ARHGAP15: variants seen among roughly 807,000 people sequenced by gnomAD.
ARHGAP15 encodes the protein Rho GTPase activating protein 15.
Under a neutral mutation model 63.7 loss-of-function variants are expected in ARHGAP15, and 51 were observed. The ratio of observed to expected loss-of-function variants is 0.80; its 90% CI spans 0.64 to 1.01. The LOEUF is 1.01. Ranked by LOEUF, ARHGAP15 falls within the 50% of genes least tolerant of loss-of-function variation. The pLI, the probability that ARHGAP15 is intolerant of heterozygous loss-of-function variation, is 0.00. For synonymous variants in ARHGAP15, 191 were observed against 193.8 expected (o/e 0.99, Z 0.12); for missense variants, 560 against 564.6 (o/e 0.99, Z 0.08).
intron 11 of ARHGAP15, among the ~76,000 whole-genome samples, chr2:143,611,875 C>A (rs1698269083): frequency 1.3e-5 from 2 of 152,166 alleles, no homozygotes; most frequent in South Asian, 2.1e-4. Context: ...CCTTTACCAC[C>A]CCTATGTTCA....
At chr2:143,232,116 T>C (rs886719004) in intron 5 of ARHGAP15, among the ~76,000 whole-genome samples, 1 of 152,206 alleles carries the variant, frequency 6.6e-6, no homozygotes, top group Non-Finnish European at 1.5e-5. Context: ...CTTATTTTCA[T>C]AGAGATTCAT....
intron 11 of ARHGAP15, among the ~76,000 whole-genome samples, chr2:143,593,684 T>C (rs1330936669): frequency 6.6e-6 from 1 of 152,148 alleles, no homozygotes; most frequent in Non-Finnish European, 1.5e-5. Context: ...TCTGTAGAAT[T>C]CCCAGCCATA....
chr2:143,607,540 G>C (rs1698084182), intron 11 of ARHGAP15: 2 of 147,640 alleles, frequency 1.4e-5, no homozygotes, highest in African/African-American at 4.9e-5. Flanking sequence ...TGAAAAGAAG[G>C]CCACCCACGA....
intron 12 of ARHGAP15, among the ~76,000 whole-genome samples, chr2:143,658,441 T>C (rs1681573819): frequency 6.6e-6 from 1 of 152,210 alleles, no homozygotes; most frequent in South Asian, 2.1e-4. Context: ...ACTGAGAGAC[T>C]TCCAATTATT....
intron 13 of ARHGAP15, among the ~76,000 whole-genome samples, chr2:143,705,727 CCTTT>C (rs1684298741): frequency 6.6e-6 from 1 of 151,996 alleles, no homozygotes; most frequent in African/African-American, 2.4e-5. Flanking sequence ...CCAATTATTC[CCTTT>C]TTTTTCAACT....
At chr2:143,570,991 G>T (rs1036346102) in intron 11 of ARHGAP15, among the ~76,000 whole-genome samples, 14 of 152,150 alleles carry the variant, frequency 9.2e-5, no homozygotes, top group Non-Finnish European at 1.5e-4. Flanking sequence ...GCAGGTGAGA[G>T]AGCATTACCC....
At chr2:143,348,584 A>ATT (rs1343231388) in intron 6 of ARHGAP15, among the ~76,000 whole-genome samples, 2 of 152,164 alleles carry the variant, frequency 1.3e-5, no homozygotes, top group African/African-American at 2.4e-5. Context: ...CTTCATCTCA[A>ATT]TTAATGCTTA....
At chr2:143,574,787 A>T (rs1456616421) in intron 11 of ARHGAP15, among the ~76,000 whole-genome samples, 1 of 152,140 alleles carries the variant, frequency 6.6e-6, no homozygotes, top group Non-Finnish European at 1.5e-5. Flanking sequence ...TTTCCTGTAG[A>T]CAGCAAACAC....
chr2:143,602,966 A>T (rs961499725), intron 11 of ARHGAP15, among the ~76,000 whole-genome samples: 4 of 152,114 alleles, frequency 2.6e-5, no homozygotes, highest in Non-Finnish European at 4.4e-5. Flanking sequence ...GCGTACTCTA[A>T]TCTTGCCTAT....
chr2:143,435,262 G>T (rs564878829), intron 6 of ARHGAP15: 2 of 1,000,988 alleles, frequency 2.0e-6, no homozygotes, highest in African/African-American at 3.5e-5. Context: ...ACACACCCGG[G>T]TGCATTTTTC....
chr2:143,763,514 C>T (rs1462720810), intron 13 of ARHGAP15, among the ~76,000 whole-genome samples: 1 of 151,830 alleles, frequency 6.6e-6, no homozygotes, highest in Non-Finnish European at 1.5e-5. Flanking sequence ...TCTTTACCTT[C>T]ACCTTTTCTA....
chr2:143,176,026 GA>G (rs1480822743), intron 2 of ARHGAP15, among the ~76,000 whole-genome samples: 16 of 152,154 alleles, frequency 1.1e-4, no homozygotes, highest in African/African-American at 3.9e-4. Flanking sequence ...TTTTTTTAAA[GA>G]CGGACAGATT....
intron 12 of ARHGAP15, among the ~76,000 whole-genome samples, chr2:143,701,908 A>C (rs545230721): frequency 1.3e-5 from 2 of 152,316 alleles, no homozygotes; most frequent in African/African-American, 4.8e-5. Context: ...AAAGGTACAC[A>C]GGCTAAAAGC....
At chr2:143,731,849 T>C (rs1685551649) in intron 13 of ARHGAP15, among the ~76,000 whole-genome samples, 1 of 152,192 alleles carries the variant, frequency 6.6e-6, no homozygotes, top group Non-Finnish European at 1.5e-5. Context: ...TCAACAACCA[T>C]GTAAAGTCAT....
chr2:143,700,974 T>G (rs1371305091), intron 12 of ARHGAP15, among the ~76,000 whole-genome samples: 2 of 152,218 alleles, frequency 1.3e-5, no homozygotes, highest in Non-Finnish European at 2.9e-5. Context: ...GTATAGGCTA[T>G]GATGTTGCAA....
chr2:143,626,340 A>G (rs1050754991), intron 12 of ARHGAP15, among the ~76,000 whole-genome samples: 5 of 152,184 alleles, frequency 3.3e-5, no homozygotes, highest in Non-Finnish European at 5.9e-5. Context: ...TTCGTCCTTC[A>G]TTGTTCAAGG....
At chr2:143,699,067 A>G (rs1683972068) in intron 12 of ARHGAP15, among the ~76,000 whole-genome samples, 1 of 152,172 alleles carries the variant, frequency 6.6e-6, no homozygotes, top group Admixed American at 6.6e-5. Context: ...TAGCTCATTA[A>G]CCACTCCTGT....
intron 6 of ARHGAP15, among the ~76,000 whole-genome samples, chr2:143,285,338 C>G (rs1465584818): frequency 6.6e-6 from 1 of 151,790 alleles, no homozygotes; most frequent in Non-Finnish European, 1.5e-5. Flanking sequence ...TATACTAAAA[C>G]ATTAAGATAT....
Position 143,490,147 on chromosome 2 carries a change from C to G in ARHGAP15, c.826+2652C>G, listed in dbSNP as rs1185074778. On this transcript the variant is annotated intron_variant, in intron 9 of 13. Transcript: ENST00000295095. ...CCCGAGTAGCTGGGACTACAGGTGC[C>G]CGCCACCACGCCCGGCTAATATTTT... 3.9e-5 allele frequency among the ~76,000 whole-genome samples: 6 copies of G among 151,952 alleles called. No individual in the cohort carries two copies. In the East Asian group the frequency reaches 9.7e-4, roughly 25 times the overall value.
Sources: allele counts gnomAD v4.1 joint callset (sites outside exome capture counted in the v4.1 genomes callset), GRCh38; gene constraint gnomAD v4.1.1; transcripts MANE v1.5; gene names NCBI Gene and HGNC (gene_info 2026-07-23, HGNC 2026-07-21).